Variants in PRR5 observed in about 807,000 individuals in gnomAD.
PRR5 encodes the protein proline-rich protein 5.
PRR5 carries 25 observed loss-of-function variants against 30.6 expected under a neutral mutation model. That is an observed-to-expected ratio of 0.82 (90% CI 0.60 to 1.14). PRR5 has a LOEUF of 1.14. Ranked by LOEUF, PRR5 falls within the 50% of genes most tolerant of loss-of-function variation. The probability of loss-of-function intolerance (pLI) is 0.00; values close to 1 mark genes in which losing one functional copy is unlikely to be tolerated. For synonymous variants in PRR5, 286 were observed against 247.1 expected (o/e 1.16, Z -1.48); for missense variants, 600 against 547.1 (o/e 1.10, Z -0.96).
chr22:44,677,518 G>A (rs961836462), intron 1 of PRR5, among the ~76,000 whole-genome samples: 1 of 152,264 alleles, frequency 6.6e-6, no homozygotes, highest in Non-Finnish European at 1.5e-5. Context: ...AAAAACAGTA[G>A]CAGATGGCTT....
At chr22:44,735,389 A>T (rs1191394553) in intron 7 of PRR5, among the ~76,000 whole-genome samples, 3 of 152,220 alleles carry the variant, frequency 2.0e-5, no homozygotes, top group Non-Finnish European at 4.4e-5. Context: ...GGAGAGCTCC[A>T]CCAGACCTCC....
chr22:44,737,075 G>T lies in PRR5; in HGVS notation c.995G>T (p.Gly332Val), dbSNP rs575116707. 3.1e-6 allele frequency: 5 copies of T among 1,610,922 alleles called. No homozygotes were observed. The South Asian group carries it at 4.4e-5, about 14-fold the overall frequency. The change falls in exon 8 of 8, where the codon GGC (glycine) becomes GTC (valine). Residue 332 changes from glycine to valine, a missense_variant. Coordinates refer to ENST00000336985, the MANE Select transcript of PRR5 (RefSeq NM_181333.4). Reference sequence around the variant, plus strand: ...CCCACGACCCAGCCCCCTGAGCAGGGCTTGGATCCCACCCGCAGCTCCCTG... The same window carrying T: ...CCCACGACCCAGCCCCCTGAGCAGGTCTTGGATCCCACCCGCAGCTCCCTG... ...LYPTTQPPEQ[G>V]LDPTRSSLPR...
At chr22:44,669,584 C>G (rs941443424) in intron 1 of PRR5, among the ~76,000 whole-genome samples, 2 of 152,246 alleles carry the variant, frequency 1.3e-5, no homozygotes, top group Non-Finnish European at 2.9e-5. Flanking sequence ...ATTTCTAGAC[C>G]CTGTTCCCAT....
chr22:44,681,871 C>T (rs1924320298), intron 1 of PRR5, among the ~76,000 whole-genome samples: 1 of 152,152 alleles, frequency 6.6e-6, no homozygotes, highest in Admixed American at 6.5e-5. Flanking sequence ...CCTGTGGCCA[C>T]AGCCTGGAGG....
rs1214182291 is a variant in PRR5, at chr22:44,688,426, T to G, written c.-11+11186T>G. On this transcript the variant is annotated intron_variant, in intron 1 of 8. Transcript: ENST00000006251. ...CCTGCAATGTTACTATTATACTAGTTAGAGTGCAACTAGTAGAGCATAATA... is the reference window on the plus strand; with the variant it reads ...CCTGCAATGTTACTATTATACTAGTGAGAGTGCAACTAGTAGAGCATAATA... Among the ~76,000 whole-genome samples, 4 of 152,136 alleles carry G rather than the reference T, an allele frequency of 2.6e-5. No homozygotes were observed. In the East Asian group the frequency reaches 7.8e-4, roughly 30 times the overall value.
At chr22:44,710,621 C>T (rs1488959882) in intron 1 of PRR5, among the ~76,000 whole-genome samples, 1 of 150,916 alleles carries the variant, frequency 6.6e-6, no homozygotes, top group Non-Finnish European at 1.5e-5. Context: ...CCCTGAGTGG[C>T]CCGCAGCGAG....
chr22:44,683,380 CT>C (rs1924461186), intron 1 of PRR5, among the ~76,000 whole-genome samples: 1 of 152,246 alleles, frequency 6.6e-6, no homozygotes, highest in South Asian at 2.1e-4. Context: ...GCAGCCCCAG[CT>C]CCTGAGGAAG....
chr22:44,678,501 G>A (rs1221016978), intron 1 of PRR5, among the ~76,000 whole-genome samples: 1 of 152,064 alleles, frequency 6.6e-6, no homozygotes, highest in Admixed American at 6.5e-5. Context: ...TTTTAGTGGA[G>A]ATGGAGTTTC....
At chr22:44,675,762 G>GTTGTTGTTA (rs1555894616), upstream of PRR5, among the ~76,000 whole-genome samples, 1 of 142,962 alleles carries the variant, frequency 7.0e-6, no homozygotes, top group African/African-American at 2.6e-5. Context: ...TGTTGCTGTT[G>GTTGTTGTTA]TTATTATTAT....
At position 44,714,593 on chromosome 22, in the gene PRR5, T is replaced by A. The variant is rs771465653; in HGVS notation, c.137T>A (p.Ile46Asn). The part of the protein sequence containing the change: ...RACANATWNS[I>N]HNGVIAVFQR... The stretch of plus-strand genomic sequence containing the variant: ...TGTTTTCTTCCCTCTGCCCCCAGCA[T>A]CCACAACGGGGTGATCGCCGTCTTC... The change falls in exon 2 of 8, where the codon ATC becomes AAC. Residue 46 changes from isoleucine (I) to asparagine (N), a missense_variant and splice_region_variant. Physicochemically the swap from Ile to Asn is moderately radical, Grantham distance 149. Coordinates refer to ENST00000336985, the MANE Select transcript of PRR5 (RefSeq NM_181333.4). The A allele has an allele frequency of 6.2e-7, 1 of 1,613,110 alleles. No homozygotes were observed. The highest frequency in any genetic ancestry group is 8.5e-7 in the Non-Finnish European group (1 of 1,179,966).
At chr22:44,731,051 A>G (rs114308884) in intron 4 of PRR5, 374 of 293,554 alleles carry the variant, frequency 1.3e-3, no homozygotes, top group African/African-American at 7.8e-3. Flanking sequence ...TGGGGGAAGG[A>G]GGGAGGAGGT....
chr22:44,709,521 G>A (rs1354449491), intron 1 of PRR5, among the ~76,000 whole-genome samples: 1 of 152,062 alleles, frequency 6.6e-6, no homozygotes, highest in African/African-American at 2.4e-5. Context: ...AGAAGGAACG[G>A]CCCCACCAAC....
chr22:44,695,147 G>A (rs2146979528), intron 1 of PRR5, among the ~76,000 whole-genome samples: 1 of 152,212 alleles, frequency 6.6e-6, no homozygotes, highest in Admixed American at 6.5e-5. Context: ...CTCCATCCTG[G>A]GTGACAGAGC....
intron 3 of PRR5, 82 bp from the exon 4 acceptor site, chr22:44,726,495 A>G (rs1386290296): frequency 1.9e-6 from 3 of 1,602,040 alleles, no homozygotes; most frequent in African/African-American, 2.7e-5. Flanking sequence ...TCACTGGTGG[A>G]TGGACTCTCG....
At chr22:44,686,815 T>C (rs1924793454) in intron 1 of PRR5, among the ~76,000 whole-genome samples, 1 of 152,250 alleles carries the variant, frequency 6.6e-6, no homozygotes, top group South Asian at 2.1e-4. Flanking sequence ...GGTTTTGCCA[T>C]GCTGGCCAGG....
intron 2 of PRR5, among the ~76,000 whole-genome samples, chr22:44,717,322 G>A (rs1929223138): frequency 6.6e-6 from 1 of 151,248 alleles, no homozygotes; most frequent in Non-Finnish European, 1.5e-5. Context: ...CTCCTGAGTA[G>A]CTGGGATTAC....
intron 1 of PRR5, among the ~76,000 whole-genome samples, chr22:44,710,260 T>C (rs1251495129): frequency 6.7e-6 from 1 of 148,186 alleles, no homozygotes; most frequent in African/African-American, 2.5e-5. Context: ...TCCCTAAGGA[T>C]CCTCCCCTTC....
At chr22:44,727,210 T>C (rs527340496) in intron 4 of PRR5, among the ~76,000 whole-genome samples, 163 of 152,250 alleles carry the variant, frequency 1.1e-3, no homozygotes, top group African/African-American at 3.8e-3. Context: ...GCACACACCC[T>C]TTGCCCTTCT....
At chr22:44,669,018 C>A (rs1157539507) in intron 1 of PRR5, among the ~76,000 whole-genome samples, 1 of 151,480 alleles carries the variant, frequency 6.6e-6, no homozygotes, top group Admixed American at 6.6e-5. Context: ...ATCTGCGGGG[C>A]AGGGGCGGCC....
Sources: gnomAD v4.1 joint callset for allele counts (sites outside exome capture counted in the v4.1 genomes callset) on GRCh38, gnomAD v4.1.1 for gene constraint, MANE v1.5 for transcripts, NCBI Gene and HGNC (gene_info 2026-07-23, HGNC 2026-07-21) for gene names.